Variants in NCAPG2 observed in about 807,000 individuals in gnomAD.
NCAPG2 encodes condensin-2 complex subunit G2.
In NCAPG2, 53 loss-of-function variants were observed where a neutral mutation model predicts 141.1. The ratio of observed to expected loss-of-function variants is 0.38; its 90% CI spans 0.30 to 0.47. NCAPG2 has a LOEUF of 0.47. Among genes scored for constraint, NCAPG2 ranks in the 20% least tolerant of loss-of-function variants. The probability of loss-of-function intolerance (pLI) is 0.99; values close to 1 mark genes in which losing one functional copy is unlikely to be tolerated. For synonymous variants in NCAPG2, 499 were observed against 490.7 expected, an observed-to-expected ratio of 1.02 and a Z score of -0.22; for missense variants, 1,087 against 1,389.0, an observed-to-expected ratio of 0.78 and a Z score of 3.46.
chr7:158,681,603 TA>T (rs1158948605), intron 9 of NCAPG2, among the ~76,000 whole-genome samples: 8 of 152,226 alleles, frequency 5.3e-5, no homozygotes, highest in African/African-American at 1.9e-4. Flanking sequence ...GTATGGGGAT[TA>T]TTTTTTTCTG....
chr7:158,637,016 TGG>T (rs1830252460), intron 27 of NCAPG2, among the ~76,000 whole-genome samples: 1 of 151,798 alleles, frequency 6.6e-6, no homozygotes, highest in Non-Finnish European at 1.5e-5. Flanking sequence ...GGTGTGATCT[TGG>T]CTCACTGCAA....
Position 158,668,490 on chromosome 7 carries a change from A to G in NCAPG2, c.1479+3024T>C, listed in dbSNP as rs897168656. On this transcript the variant is annotated intron_variant, in intron 13 of 27. Coordinates refer to ENST00000356309, the MANE Select transcript of NCAPG2 (RefSeq NM_017760.7). ...TTAAGTGCTTATCTTTTAGAGATACATTCTGAAATACAAAGAAAACAATAT... is the reference window on the plus strand; with the variant it reads ...TTAAGTGCTTATCTTTTAGAGATACGTTCTGAAATACAAAGAAAACAATAT... 15 of 884,952 alleles carry G rather than the reference A, an allele frequency of 1.7e-5. No individual in the cohort carries two copies. In the African/African-American group the frequency reaches 2.6e-4, roughly 15 times the overall value. The allele number at this position is 884,952 out of a possible 1,614,324, so 54.8% of individuals were successfully genotyped here.
chr7:158,681,834 ACTGT>A (rs1243150868), intron 9 of NCAPG2, among the ~76,000 whole-genome samples: 1 of 152,176 alleles, frequency 6.6e-6, no homozygotes, highest in Non-Finnish European at 1.5e-5. Flanking sequence ...TACCATTGTT[ACTGT>A]CTAATTCTAG....
chr7:158,651,018 T>C, intron 23 of NCAPG2, 46 bp from the exon 24 acceptor site: 1 of 1,520,926 alleles, frequency 6.6e-7, no homozygotes, highest in Non-Finnish European at 8.8e-7. Context: ...AAAACCATGG[T>C]TTTGAAAAAA....
intron 11 of NCAPG2, among the ~76,000 whole-genome samples, chr7:158,677,911 A>C (rs1327756482): frequency 6.6e-6 from 1 of 152,080 alleles, no homozygotes; most frequent in African/African-American, 2.4e-5. Context: ...TCCAGCCTCA[A>C]GTGATCCTCC....
chr7:158,667,406 TC>T (rs373499582), intron 13 of NCAPG2, among the ~76,000 whole-genome samples: 1 of 27,138 alleles, frequency 3.7e-5, no homozygotes. Flanking sequence ...CCCTCCGCCC[TC>T]CTTACCCACT....
chr7:158,642,086 A>T (rs567055808), intron 27 of NCAPG2, among the ~76,000 whole-genome samples: 61 of 152,330 alleles, frequency 4.0e-4, no homozygotes, highest in African/African-American at 1.4e-3. Flanking sequence ...GAAATCAATA[A>T]CAGAAAGCTG....
chr7:158,641,654 G>T, intron 27 of NCAPG2: 2 of 440,798 alleles, frequency 4.5e-6, no homozygotes, highest in South Asian at 1.1e-4. Context: ...AGGCAGAGCA[G>T]AATTCACAGT....
chr7:158,643,859 C>T (rs1563496885), intron 27 of NCAPG2, among the ~76,000 whole-genome samples: 2 of 152,282 alleles, frequency 1.3e-5, no homozygotes, highest in South Asian at 4.2e-4. Flanking sequence ...GCAGGCTGTG[C>T]GTAGCAATGG....
chr7:158,659,025 TAAAAAAAAAAA>T (rs55893307), intron 16 of NCAPG2, among the ~76,000 whole-genome samples: 1 of 97,740 alleles, frequency 1.0e-5, no homozygotes, highest in Non-Finnish European at 2.0e-5. Context: ...GCATTATATT[TAAAAAAAAAAA>T]AAAAAAAAAA....
intron 2 of NCAPG2, among the ~76,000 whole-genome samples, chr7:158,700,978 C>G (rs1835744506): frequency 6.6e-6 from 1 of 152,206 alleles, no homozygotes; most frequent in Non-Finnish European, 1.5e-5. Context: ...TAGCTCAGCC[C>G]TTTCCCCTGG....
chr7:158,645,891 T>C (rs773437870), intron 25 of NCAPG2, among the ~76,000 whole-genome samples: 16 of 152,340 alleles, frequency 1.1e-4, no homozygotes, highest in Non-Finnish European at 2.4e-4. Context: ...AAAGATTTAA[T>C]ATGTTGTTGA....
intron 2 of NCAPG2, among the ~76,000 whole-genome samples, chr7:158,701,122 G>A (rs938730209): frequency 6.6e-5 from 10 of 152,156 alleles, no homozygotes; most frequent in African/African-American, 2.2e-4. Flanking sequence ...CTTGCTGAAT[G>A]GTACTACACA....
chr7:158,675,614 T>A lies in NCAPG2; in HGVS notation c.1189A>T (p.Ile397Phe). ...GAAGTTATTTTACAAACACCAAGGATCCCTGTGGAACGGACCATCGGGTAA... is the reference window on the plus strand; with the variant it reads ...GAAGTTATTTTACAAACACCAAGGAACCCTGTGGAACGGACCATCGGGTAA... ...DPYPMVRSTG[I>F]LGVCKITSKY... Residue 397 changes from isoleucine to phenylalanine, a missense_variant, in exon 12 of 28, where the codon ATC becomes TTC. By Grantham distance (21) the Ile-to-Phe change is conservative (BLOSUM62 0). Transcript: ENST00000356309. 1 of 1,613,682 alleles carries A rather than the reference T, an allele frequency of 6.2e-7. No homozygotes were observed. Among genetic ancestry groups the A allele is most frequent in the Non-Finnish European group, 8.5e-7 (1 of 1,179,934 alleles).
rs1831808387 is a variant in NCAPG2 at position 158,655,100 on chromosome 7, T to C, written c.2646+18A>G. ...AACTTGGTAAAGAGAAAGTTTTCTG[T>C]GTCTTAAGACTTCTAACCTGGATAA... On this transcript the variant is annotated intron_variant, in intron 21 of 27. Transcript: ENST00000356309. The C allele has an allele frequency of 6.4e-7, 1 of 1,573,280 alleles. No homozygotes were observed. The highest frequency in any genetic ancestry group is 1.2e-5 in the South Asian group (1 of 84,970).
intron 13 of NCAPG2, among the ~76,000 whole-genome samples, chr7:158,670,506 C>G (rs1833617514): frequency 6.6e-6 from 1 of 152,194 alleles, no homozygotes; most frequent in Admixed American, 6.5e-5. Flanking sequence ...GAACCAAGAT[C>G]ACACCCCAGC....
chr7:158,687,227 TAATA>T, intron 7 of NCAPG2, 117 bp downstream of exon 7: 1 of 598,324 alleles, frequency 1.7e-6, no homozygotes, highest in African/African-American at 1.9e-5. Context: ...CAATGGTACA[TAATA>T]AATAACGTAT....
Position 158,656,669 on chromosome 7 carries a change from C to T in NCAPG2, c.2097G>A (p.Glu699=). The stretch of plus-strand genomic sequence containing the variant: ...TGCAGTAGCTCTTGTCCACAGCGCC[C>T]TCCTCCCGGCTTCTCAGCGTGGAAA... The part of the protein sequence containing the change: ...GVISTLRSRE[E]GAVDKSYCTL... Residue 699 remains glutamate (E), a synonymous_variant, in exon 18 of 28, where the codon GAG becomes GAA. Coordinates refer to ENST00000356309, the MANE Select transcript of NCAPG2 (RefSeq NM_017760.7). 1 of 1,614,078 alleles carries T rather than the reference C, an allele frequency of 6.2e-7. No individual in the cohort carries two copies. The highest frequency in any genetic ancestry group is 8.5e-7 in the Non-Finnish European group (1 of 1,180,032).
intron 13 of NCAPG2, chr7:158,668,130 CCTTACCTACCCTCTGGCCCTCCACCCT>C (rs1473079806): frequency 2.1e-4 from 20 of 97,544 alleles, no homozygotes; most frequent in Admixed American, 4.5e-4. Flanking sequence ...CCTCCGCCCT[CCTTACCTACCCTCTGGCCCTCCACCCT>C]CTTACCCACT....
Sources: allele counts gnomAD v4.1 joint callset (sites outside exome capture counted in the v4.1 genomes callset), GRCh38; gene constraint gnomAD v4.1.1; transcripts MANE v1.5; gene names NCBI Gene and HGNC (gene_info 2026-07-23, HGNC 2026-07-21).